MMP26: variants seen among roughly 807,000 people sequenced by gnomAD.
MMP26 encodes matrix metalloproteinase-26.
Under a neutral mutation model 31.0 loss-of-function variants are expected in MMP26, and 33 were observed. That is an observed-to-expected ratio of 1.06 (90% CI 0.81 to 1.42). The LOEUF (loss-of-function observed/expected upper bound fraction) is 1.42. Among genes scored for constraint, MMP26 ranks in the 40% most tolerant of loss-of-function variants. The pLI, the probability that MMP26 is intolerant of heterozygous loss-of-function variation, is 0.00. For synonymous variants in MMP26, 122 were observed against 114.9 expected, an observed-to-expected ratio of 1.06 and a Z score of -0.40; for missense variants, 347 against 316.1, an observed-to-expected ratio of 1.10 and a Z score of -0.74.
intron 2 of MMP26, among the ~76,000 whole-genome samples, chr11:4,797,781 G>A (rs966894562): frequency 6.6e-6 from 1 of 152,174 alleles, no homozygotes; most frequent in Non-Finnish European, 1.5e-5. Context: ...TACAATGTAA[G>A]CATCTCCTTG....
chr11:4,781,781 GT>G (rs1848867768), intron 2 of MMP26, among the ~76,000 whole-genome samples: 1 of 152,104 alleles, frequency 6.6e-6, no homozygotes, highest in Admixed American at 6.6e-5. Context: ...CTGGTAGGAA[GT>G]GATTGAATTA....
intron 2 of MMP26, chr11:4,924,485 G>A: frequency 2.5e-6 from 2 of 794,104 alleles, no homozygotes; most frequent in East Asian, 2.6e-5. Flanking sequence ...CTGGGTGGGG[G>A]CTGATCTATT....
intron 2 of MMP26, among the ~76,000 whole-genome samples, chr11:4,807,487 A>G (rs1243483639): frequency 3.9e-5 from 6 of 152,164 alleles, no homozygotes; most frequent in Non-Finnish European, 7.3e-5. Context: ...TGAAGCTGGA[A>G]ACCATCATTC....
At chr11:4,800,620 G>T (rs757119081) in intron 2 of MMP26, among the ~76,000 whole-genome samples, 3 of 152,186 alleles carry the variant, frequency 2.0e-5, no homozygotes, top group Non-Finnish European at 4.4e-5. Flanking sequence ...TCTCTAGCAA[G>T]TGATTTCTCC....
intron 1 of MMP26, among the ~76,000 whole-genome samples, chr11:4,750,350 A>C (rs1176587428): frequency 6.6e-6 from 1 of 152,112 alleles, no homozygotes; most frequent in Non-Finnish European, 1.5e-5. Flanking sequence ...ACCTCTATGG[A>C]AAACTACTTG....
intron 1 of MMP26, among the ~76,000 whole-genome samples, chr11:4,743,813 G>C (rs977620914): frequency 1.3e-5 from 2 of 152,030 alleles, no homozygotes; most frequent in African/African-American, 4.8e-5. Flanking sequence ...ACTCGGGTTT[G>C]TTTGTTTTTT....
chr11:4,912,327 T>C (rs541887846), intron 2 of MMP26, among the ~76,000 whole-genome samples: 8 of 152,298 alleles, frequency 5.3e-5, no homozygotes, highest in African/African-American at 1.9e-4. Context: ...ACCCCAAGTT[T>C]AGTATACTTG....
chr11:4,793,588 T>A (rs1197658522), intron 2 of MMP26, among the ~76,000 whole-genome samples: 3 of 152,222 alleles, frequency 2.0e-5, no homozygotes, highest in Non-Finnish European at 2.9e-5. Context: ...ACATTTTTCA[T>A]GCCATAGTTT....
chr11:4,916,483 C>T (rs1589938425), intron 2 of MMP26, among the ~76,000 whole-genome samples: 1 of 150,534 alleles, frequency 6.6e-6, no homozygotes, highest in African/African-American at 2.4e-5. Flanking sequence ...CTTTTCTTTT[C>T]CTTTATCTTA....
chr11:4,919,588 G>C (rs78430033), intron 2 of MMP26, among the ~76,000 whole-genome samples: 2,095 of 152,226 alleles, frequency 0.014, 53 homozygotes, highest in African/African-American at 0.048. Context: ...TGAAGAATAT[G>C]GCAAGAGTTT....
chr11:4,935,053 A>G (rs987289590), intron 2 of MMP26, among the ~76,000 whole-genome samples: 1 of 151,690 alleles, frequency 6.6e-6, no homozygotes, highest in Non-Finnish European at 1.5e-5. Flanking sequence ...TGACTTGGCA[A>G]TGTGGGCTCT....
At chr11:4,892,142 CT>C (rs1258548254) in intron 2 of MMP26, among the ~76,000 whole-genome samples, 2 of 152,054 alleles carry the variant, frequency 1.3e-5, no homozygotes, top group Non-Finnish European at 2.9e-5. Flanking sequence ...AACTTTTCAA[CT>C]AGTTTATCCT....
chr11:4,766,436 A>T (rs150084179), intron 1 of MMP26, among the ~76,000 whole-genome samples: 1 of 151,994 alleles, frequency 6.6e-6, no homozygotes, highest in Non-Finnish European at 1.5e-5. Flanking sequence ...ATGGTACTAC[A>T]TTTTTCCCCG....
intron 2 of MMP26, among the ~76,000 whole-genome samples, chr11:4,793,249 C>T (rs1991887): frequency 0.28 from 42,626 of 151,968 alleles, 7,483 homozygotes; most frequent in African/African-American, 0.49. Flanking sequence ...GGATATTACC[C>T]CTAGTTCTTT....
chr11:4,768,998 C>A (rs1001693714), intron 2 of MMP26: 1 of 1,503,172 alleles, frequency 6.7e-7, no homozygotes, highest in African/African-American at 1.4e-5. Context: ...AAGCAGCAGA[C>A]TGAGCATAGC....
At chr11:4,801,126 C>T (rs1210687403) in intron 2 of MMP26, among the ~76,000 whole-genome samples, 1 of 152,210 alleles carries the variant, frequency 6.6e-6, no homozygotes, top group Non-Finnish European at 1.5e-5. Context: ...TTTAACCAGT[C>T]TCTAAGAAGT....
intron 3 of MMP26, among the ~76,000 whole-genome samples, chr11:4,989,232 G>A (rs1846955601): frequency 6.6e-6 from 1 of 152,142 alleles, no homozygotes; most frequent in Non-Finnish European, 1.5e-5. Context: ...CAAATGAAAT[G>A]GGGAATGCAG....
chr11:4,986,905 T>TTCTCTCTCTCTCTCTCTCTCTCTCTC lies in MMP26; in HGVS notation c.-144-1162_-144-1137dup, dbSNP rs71050445. Among the ~76,000 whole-genome samples, 13 of 48,672 alleles carry TTCTCTCTCTCTCTCTCTCTCTCTCTC rather than the reference T, an allele frequency of 2.7e-4. 2 individuals are homozygous for TTCTCTCTCTCTCTCTCTCTCTCTCTC. The highest frequency in any genetic ancestry group is 8.5e-4 in the African/African-American group (10 of 11,800). 31.9% of individuals were successfully genotyped at this position (48,672 alleles called of 152,430 possible). ...TCTGTGACTTCCTTCCTTCCTTCCT[T>TTCTCTCTCTCTCTCTCTCTCTCTCTC]TCTCTCTCTCTCTCTCTCTCTCTCT... On this transcript the variant is annotated intron_variant, in intron 2 of 7. Coordinates refer to ENST00000380390, the MANE Select transcript of MMP26 (RefSeq NM_021801.5).
chr11:4,790,192 T>A (rs575726396), intron 2 of MMP26, among the ~76,000 whole-genome samples: 2 of 151,886 alleles, frequency 1.3e-5, no homozygotes, highest in Non-Finnish European at 2.9e-5. Flanking sequence ...ATACAAAAAA[T>A]TAGCCGGGTG....
Sources: allele counts gnomAD v4.1 joint callset (sites outside exome capture counted in the v4.1 genomes callset), GRCh38; gene constraint gnomAD v4.1.1; transcripts MANE v1.5; gene names NCBI Gene and HGNC (gene_info 2026-07-23, HGNC 2026-07-21).